Variants in VMP1 observed in about 807,000 individuals in gnomAD.
The protein encoded by VMP1 is vacuole membrane protein 1, also known as ectopic P-granules autophagy protein 3 homolog.
In VMP1, 11 loss-of-function variants were observed where a neutral mutation model predicts 56.0. The observed-to-expected ratio is 0.20, with a 90% CI of 0.12 to 0.32. The LOEUF is 0.32. Among genes scored for constraint, VMP1 ranks in the 10% least tolerant of loss-of-function variants. VMP1 has a pLI of 1.00. For missense variants in VMP1, 296 were observed against 490.3 expected (o/e 0.60, Z 3.74); for synonymous variants, 149 against 165.0 (o/e 0.90, Z 0.74).
intron 5 of VMP1, among the ~76,000 whole-genome samples, chr17:59,760,689 C>T (rs555492191): frequency 5.3e-5 from 8 of 152,262 alleles, no homozygotes; most frequent in African/African-American, 9.6e-5. Context: ...GGCGCAATCT[C>T]GGCTCACTGC....
intron 1 of VMP1, among the ~76,000 whole-genome samples, chr17:59,718,979 A>G (rs1045959132): frequency 6.6e-6 from 1 of 152,160 alleles, no homozygotes; most frequent in Non-Finnish European, 1.5e-5. Flanking sequence ...ATATCAGATG[A>G]CACTCTGATA....
At position 59,784,380 on chromosome 17, in the gene VMP1, C is replaced by A. The variant is rs187288269; in HGVS notation, c.714+10495C>A. On this transcript the variant is annotated intron_variant, in intron 7 of 11. Transcript: ENST00000262291. ...TACCTTTCAATTTATGTGCTGCTGG[C>A]TTCTTTGTGAACTATTTTATGATTC... 1.6e-4 allele frequency among the ~76,000 whole-genome samples: 24 copies of A among 152,130 alleles called. No homozygotes were observed. The East Asian group carries it at 3.7e-3, about 23-fold the overall frequency.
In VMP1 at chr17:59,809,158, C is replaced by A. The variant is rs1400116681; in HGVS notation, c.795+282C>A. On this transcript the variant is annotated intron_variant, in intron 8 of 11. Transcript: ENST00000262291. ...GGGACTACAGGCATGCACCCCCACG[C>A]CTGGCTAATTTTTATATTTTTAGTA... 2.0e-5 allele frequency among the ~76,000 whole-genome samples: 3 copies of A among 150,990 alleles called. No homozygotes were observed. The East Asian group carries it at 5.9e-4, about 30-fold the overall frequency.
At chr17:59,738,507 T>G (rs776632769) in intron 4 of VMP1, among the ~76,000 whole-genome samples, 12 of 152,234 alleles carry the variant, frequency 7.9e-5, no homozygotes, top group Non-Finnish European at 1.5e-4. Flanking sequence ...CTAAATGCAT[T>G]TATTTTAAAT....
chr17:59,713,431 C>T (rs903276743), intron 1 of VMP1, among the ~76,000 whole-genome samples: 2 of 151,962 alleles, frequency 1.3e-5, no homozygotes, highest in African/African-American at 4.8e-5. Flanking sequence ...ATCCAAGTCA[C>T]GCACTTACAT....
intron 10 of VMP1, among the ~76,000 whole-genome samples, chr17:59,836,163 A>C (rs906298454): frequency 6.6e-6 from 1 of 151,186 alleles, no homozygotes; most frequent in South Asian, 2.1e-4. Flanking sequence ...ATGTCTGTTC[A>C]GGCCTTTTGT....
At chr17:59,827,513 C>T (rs1278176093) in intron 10 of VMP1, among the ~76,000 whole-genome samples, 2 of 151,530 alleles carry the variant, frequency 1.3e-5, no homozygotes, top group Non-Finnish European at 2.9e-5. Context: ...GTCGGGGTTT[C>T]ACCATATTGG....
rs1428911299 is a variant in VMP1, at chr17:59,737,518, A to G, written c.278A>G (p.Tyr93Cys). The G allele has an allele frequency of 3.7e-6, 6 of 1,611,468 alleles. No homozygotes were observed. The highest frequency in any genetic ancestry group is 5.1e-6 in the Non-Finnish European group (6 of 1,178,884). ...LLLLAVLIAT[Y>C]YVEGVHQQYV... ...CTGCTTGCTGTGCTTATAGCTACGT[A>G]TTATGTTGAAGGAGTGCATCAACAG... The change falls in exon 4 of 12, where the codon TAT becomes TGT. Residue 93 changes from tyrosine (Y) to cysteine (C), a missense_variant. Tyr to Cys is a radical substitution (Grantham distance 194, BLOSUM62 -2). Transcript: ENST00000262291.
chr17:59,736,032 A>C (rs1384426288), intron 3 of VMP1, among the ~76,000 whole-genome samples: 1 of 152,212 alleles, frequency 6.6e-6, no homozygotes, highest in East Asian at 1.9e-4. Flanking sequence ...TTATTGTACT[A>C]AGAGTTTATA....
chr17:59,782,229 T>C (rs976353492), intron 7 of VMP1, among the ~76,000 whole-genome samples: 6 of 152,164 alleles, frequency 3.9e-5, no homozygotes, highest in African/African-American at 1.4e-4. Flanking sequence ...TTTAGTACTT[T>C]TATGGTTTTA....
chr17:59,797,407 A>G (rs374899209), intron 7 of VMP1, among the ~76,000 whole-genome samples: 1 of 152,148 alleles, frequency 6.6e-6, no homozygotes, highest in Non-Finnish European at 1.5e-5. Flanking sequence ...AAGCAACCCT[A>G]ATGTCCACCA....
chr17:59,797,854 A>G (rs2037499180), intron 7 of VMP1, among the ~76,000 whole-genome samples: 1 of 152,272 alleles, frequency 6.6e-6, no homozygotes, highest in Admixed American at 6.5e-5. Context: ...AGCCTGGGCA[A>G]CAAGAGCAAA....
At chr17:59,750,057 G>T (rs186275068) in intron 5 of VMP1, among the ~76,000 whole-genome samples, 301 of 152,080 alleles carry the variant, frequency 2.0e-3, no homozygotes, top group African/African-American at 7.0e-3. Context: ...AAAATAATTC[G>T]ACTTCTTTTA....
At chr17:59,729,844 C>G (rs1290156403) in intron 1 of VMP1, 1 of 152,042 alleles carries the variant, frequency 6.6e-6, no homozygotes, top group Non-Finnish European at 1.5e-5. Context: ...CACCACCACG[C>G]CAGGCTAATT....
At chr17:59,761,007 A>T (rs562042602) in intron 5 of VMP1, among the ~76,000 whole-genome samples, 2 of 151,974 alleles carry the variant, frequency 1.3e-5, no homozygotes, top group Admixed American at 6.6e-5. Context: ...GGTTCAAGCG[A>T]TTCTCCTGCC....
chr17:59,775,099 G>T (rs186949594), intron 7 of VMP1, among the ~76,000 whole-genome samples: 1 of 152,132 alleles, frequency 6.6e-6, no homozygotes, highest in Non-Finnish European at 1.5e-5. Flanking sequence ...CTGCCACCAC[G>T]CCTGGCTAAC....
chr17:59,838,587 G>T, intron 11 of VMP1, 190 bp downstream of exon 11: 1 of 583,360 alleles, frequency 1.7e-6, no homozygotes, highest in Non-Finnish European at 3.1e-6. Flanking sequence ...TGTAACTTCT[G>T]TACATCTTCT....
intron 10 of VMP1, chr17:59,837,605 G>C (rs949379101): frequency 8.5e-5 from 13 of 152,162 alleles, no homozygotes; most frequent in African/African-American, 3.1e-4. Flanking sequence ...TGTGCAAACT[G>C]TCTACCATAA....
intron 7 of VMP1, among the ~76,000 whole-genome samples, chr17:59,784,062 T>G (rs1285495313): frequency 6.6e-6 from 1 of 151,516 alleles, no homozygotes; most frequent in Admixed American, 6.6e-5. Flanking sequence ...GGTTTTCAAG[T>G]TGAACTTTAA....
Sources: allele counts gnomAD v4.1 joint callset (sites outside exome capture counted in the v4.1 genomes callset), GRCh38; gene constraint gnomAD v4.1.1; transcripts MANE v1.5; gene names NCBI Gene and HGNC (gene_info 2026-07-23, HGNC 2026-07-21).